Variants in TMEM132D observed in about 807,000 individuals in gnomAD.
The protein encoded by TMEM132D is transmembrane protein 132D.
Under a neutral mutation model 62.3 loss-of-function variants are expected in TMEM132D, and 21 were observed. That is an observed-to-expected ratio of 0.34 (90% confidence interval 0.24 to 0.49). The LOEUF (loss-of-function observed/expected upper bound fraction) is 0.49, where lower values mean the gene tolerates loss of function less well. Ranked by LOEUF, TMEM132D falls within the 20% of genes least tolerant of loss-of-function variation. The pLI is 0.99. For synonymous variants in TMEM132D, 621 were observed against 575.6 expected, an observed-to-expected ratio of 1.08 and a Z score of -1.13; for missense variants, 1,346 against 1,402.8, an observed-to-expected ratio of 0.96 and a Z score of 0.65.
chr12:129,470,408 T>A (rs976854464), intron 3 of TMEM132D, among the ~76,000 whole-genome samples: 1 of 152,170 alleles, frequency 6.6e-6, no homozygotes, highest in Non-Finnish European at 1.5e-5. Context: ...TAAGAGAAAC[T>A]CTGAGGTCCT....
chr12:129,680,201 G>T lies in TMEM132D; in HGVS notation c.968+19609C>A, dbSNP rs150925774. Among the ~76,000 whole-genome samples, 299 of 152,226 alleles carry T rather than the reference G, an allele frequency of 2.0e-3. 3 individuals carry two copies. The highest frequency in any genetic ancestry group is 6.8e-3 in the African/African-American group (283 of 41,548). On this transcript the variant is annotated intron_variant, in intron 2 of 8. Coordinates refer to ENST00000422113, the MANE Select transcript of TMEM132D (RefSeq NM_133448.3). ...AAGGTTAGTATTATATTTCTTCCAC[G>T]CGCTTGGATAATCTTGGGCTTCAGA...
intron 4 of TMEM132D, among the ~76,000 whole-genome samples, chr12:129,220,616 G>A (rs1479230888): frequency 6.6e-6 from 1 of 152,098 alleles, no homozygotes; most frequent in African/African-American, 2.4e-5. Flanking sequence ...AGAAACTCAT[G>A]TTCTGCTAAG....
chr12:129,471,867 T>A (rs903381123), intron 3 of TMEM132D, among the ~76,000 whole-genome samples: 2 of 152,162 alleles, frequency 1.3e-5, no homozygotes, highest in Non-Finnish European at 2.9e-5. Context: ...GCCACAACAT[T>A]CCCTTAAGCC....
At chr12:129,790,535 G>T (rs1871373190) in intron 1 of TMEM132D, among the ~76,000 whole-genome samples, 1 of 152,204 alleles carries the variant, frequency 6.6e-6, no homozygotes, top group Non-Finnish European at 1.5e-5. Context: ...TCCCTCTGAA[G>T]TCAAGCTGCT....
intron 1 of TMEM132D, among the ~76,000 whole-genome samples, chr12:129,741,053 C>T (rs746804058): frequency 3.9e-5 from 6 of 152,200 alleles, no homozygotes; most frequent in Non-Finnish European, 8.8e-5. Context: ...ATGCCATCTC[C>T]TGAGGAATTT....
chr12:129,151,447 C>T (rs564207485), intron 5 of TMEM132D, among the ~76,000 whole-genome samples: 12 of 152,314 alleles, frequency 7.9e-5, no homozygotes, highest in East Asian at 1.9e-4. Flanking sequence ...GGCTGACCCT[C>T]GGTGTCTCCG....
chr12:129,563,608 C>T (rs1475385819), intron 2 of TMEM132D, among the ~76,000 whole-genome samples: 1 of 152,146 alleles, frequency 6.6e-6, no homozygotes, highest in Non-Finnish European at 1.5e-5. Flanking sequence ...TGCATAAAGG[C>T]TCCCTCCATA....
chr12:129,174,194 C>T (rs1565986909), intron 5 of TMEM132D, among the ~76,000 whole-genome samples: 1 of 152,104 alleles, frequency 6.6e-6, no homozygotes, highest in East Asian at 1.9e-4. Flanking sequence ...TGGTCTGCTG[C>T]ACTTATTAAC....
chr12:129,679,219 A>G (rs1880719595), intron 2 of TMEM132D, among the ~76,000 whole-genome samples: 1 of 152,022 alleles, frequency 6.6e-6, no homozygotes, highest in African/African-American at 2.4e-5. Flanking sequence ...ATGCATTTCT[A>G]TCCCTGAACA....
At position 129,074,733 on chromosome 12, in the gene TMEM132D, T is replaced by C. The variant is rs941933736; in HGVS notation, c.2442A>G (p.Ala814=). 2.5e-6 allele frequency: 4 copies of C among 1,614,196 alleles called. No homozygotes were observed. The highest frequency in any genetic ancestry group is 1.7e-5 in the Admixed American group (1 of 60,020). Residue 814 remains alanine, a synonymous_variant, in exon 9 of 9, where the codon GCA becomes GCG. Transcript: ENST00000422113. ...TGACATTGTTTTCCATGTGAACCCC[T>C]GCCCCTGTGTGTCTGCTGTCACTGG... ...PNTSDSRHTG[A]GVHMENNVSD...
intron 1 of TMEM132D, among the ~76,000 whole-genome samples, chr12:129,890,652 A>C (rs1874892685): frequency 6.6e-6 from 1 of 152,242 alleles, no homozygotes; most frequent in African/African-American, 2.4e-5. Context: ...CACATCACGC[A>C]ATCAGCGAAT....
chr12:129,757,517 T>A (rs1423130087), intron 1 of TMEM132D, among the ~76,000 whole-genome samples: 1 of 152,172 alleles, frequency 6.6e-6, no homozygotes, highest in African/African-American at 2.4e-5. Context: ...ACCAGCTCCA[T>A]TTGGGCGTCT....
intron 3 of TMEM132D, among the ~76,000 whole-genome samples, chr12:129,368,461 G>T (rs779066315): frequency 6.6e-6 from 1 of 152,228 alleles, no homozygotes; most frequent in Non-Finnish European, 1.5e-5. Context: ...ATACCTATTT[G>T]CATATTGGCT....
intron 4 of TMEM132D, among the ~76,000 whole-genome samples, chr12:129,267,172 TTTTTTC>T (rs1036822680): frequency 3.3e-5 from 5 of 152,184 alleles, no homozygotes; most frequent in African/African-American, 1.2e-4. Context: ...GTTGAGGGTT[TTTTTTC>T]TTTTTCTTTT....
intron 5 of TMEM132D, among the ~76,000 whole-genome samples, chr12:129,197,828 A>G (rs1466892977): frequency 6.6e-6 from 1 of 152,252 alleles, no homozygotes; most frequent in East Asian, 1.9e-4. Flanking sequence ...AGCAAAGGAA[A>G]CGATTAACAG....
At chr12:129,552,600 T>C (rs145827179) in intron 2 of TMEM132D, among the ~76,000 whole-genome samples, 1 of 149,126 alleles carries the variant, frequency 6.7e-6, no homozygotes, top group African/African-American at 2.5e-5. Flanking sequence ...CTATTTTCTA[T>C]CTATTATTTA....
intron 3 of TMEM132D, among the ~76,000 whole-genome samples, chr12:129,484,086 C>T (rs1245776254): frequency 6.6e-6 from 1 of 152,102 alleles, no homozygotes; most frequent in East Asian, 1.9e-4. Context: ...TCTTTTGCCT[C>T]AGCCTCCTGA....
intron 3 of TMEM132D, among the ~76,000 whole-genome samples, chr12:129,487,261 G>A (rs1874611732): frequency 6.6e-6 from 1 of 152,210 alleles, no homozygotes; most frequent in Non-Finnish European, 1.5e-5. Context: ...AGCCCCAGAT[G>A]CCGTCACAGA....
At chr12:129,294,467 C>A (rs1288220251) in intron 4 of TMEM132D, among the ~76,000 whole-genome samples, 2 of 138,826 alleles carry the variant, frequency 1.4e-5, no homozygotes, top group Admixed American at 1.5e-4. Context: ...TAACACAGGG[C>A]CTCTCACCCA....
Sources: gnomAD v4.1 joint callset for allele counts (sites outside exome capture counted in the v4.1 genomes callset) on GRCh38, gnomAD v4.1.1 for gene constraint, MANE v1.5 for transcripts, NCBI Gene and HGNC (gene_info 2026-07-23, HGNC 2026-07-21) for gene names.